Variants in INSC observed in about 807,000 individuals in gnomAD.
INSC encodes protein inscuteable homolog.
A neutral mutation model predicts 58.6 loss-of-function variants in INSC; 67 were observed. That is an observed-to-expected ratio of 1.14 (90% confidence interval 0.94 to 1.40). INSC has a LOEUF of 1.40. INSC is among the 40% of genes most tolerant of loss of function. INSC has a pLI of 0.00. For synonymous variants in INSC, 262 were observed against 276.1 expected, an observed-to-expected ratio of 0.95 and a Z score of 0.51; for missense variants, 714 against 692.0, an observed-to-expected ratio of 1.03 and a Z score of -0.36.
At chr11:15,148,901 A>G (rs1442342984) in intron 1 of INSC, among the ~76,000 whole-genome samples, 1 of 152,230 alleles carries the variant, frequency 6.6e-6, no homozygotes, top group Non-Finnish European at 1.5e-5. Flanking sequence ...GGAATAAGAA[A>G]ATATTTTAGA....
chr11:15,217,321 C>T (rs984818850), intron 7 of INSC, among the ~76,000 whole-genome samples: 21 of 152,152 alleles, frequency 1.4e-4, no homozygotes, highest in African/African-American at 4.3e-4. Flanking sequence ...CAATTACCTC[C>T]CACCAGGTCC....
chr11:15,189,925 C>T (rs1850102244), intron 5 of INSC, among the ~76,000 whole-genome samples: 1 of 152,214 alleles, frequency 6.6e-6, no homozygotes, highest in South Asian at 2.1e-4. Context: ...ATTAGCTGAA[C>T]TTTTCTAGAA....
At chr11:15,174,191 G>A (rs1849498096) in intron 2 of INSC, among the ~76,000 whole-genome samples, 2 of 152,006 alleles carry the variant, frequency 1.3e-5, no homozygotes, top group South Asian at 4.1e-4. Context: ...TGCACTTGCT[G>A]ATCTCTCTCC....
chr11:15,140,007 A>G (rs1590350474), intron 1 of INSC, among the ~76,000 whole-genome samples: 1 of 152,214 alleles, frequency 6.6e-6, no homozygotes, highest in African/African-American at 2.4e-5. Context: ...GGAATGGCCC[A>G]CCCTGAGACA....
At chr11:15,240,146 G>A (rs985619166) in intron 11 of INSC, among the ~76,000 whole-genome samples, 2 of 152,024 alleles carry the variant, frequency 1.3e-5, no homozygotes, top group African/African-American at 2.4e-5. Context: ...TTTAGCCACA[G>A]TATATTTTCT....
the INSC span, among the ~76,000 whole-genome samples, chr11:15,263,788 T>C: frequency 2.6e-5 from 4 of 152,130 alleles, no homozygotes; most frequent in Non-Finnish European, 4.4e-5. Context: ...ACTTTCAAGC[T>C]CATATGGTTG....
chr11:15,265,498 T>C, the INSC span, among the ~76,000 whole-genome samples: 1 of 151,956 alleles, frequency 6.6e-6, no homozygotes. Context: ...AATTCACCTT[T>C]TTTTTTTCTA....
chr11:15,112,907 T>C (rs1847601761), upstream of INSC, among the ~76,000 whole-genome samples: 1 of 152,108 alleles, frequency 6.6e-6, no homozygotes, highest in Non-Finnish European at 1.5e-5. Flanking sequence ...GGCAGAGATT[T>C]TTATGTTCCC....
intron 9 of INSC, 53 bp from the exon 10 acceptor site, chr11:15,235,549 C>A: frequency 7.2e-7 from 1 of 1,390,870 alleles, no homozygotes; most frequent in Non-Finnish European, 1.0e-6. Context: ...GTAGGGAGGA[C>A]TATTAGGATC....
intron 8 of INSC, among the ~76,000 whole-genome samples, chr11:15,222,153 C>T (rs528087324): frequency 1.6e-4 from 24 of 152,192 alleles, no homozygotes; most frequent in Non-Finnish European, 3.2e-4. Context: ...ATTGACTCCT[C>T]TAGGTTCCCC....
chr11:15,141,263 C>T (rs1312527315), intron 1 of INSC, among the ~76,000 whole-genome samples: 1 of 151,874 alleles, frequency 6.6e-6, no homozygotes, highest in Non-Finnish European at 1.5e-5. Flanking sequence ...TTCCTATTGC[C>T]TTCTAGGTGA....
At chr11:15,242,909 G>A (rs918822516) in intron 12 of INSC, among the ~76,000 whole-genome samples, 2 of 152,156 alleles carry the variant, frequency 1.3e-5, no homozygotes, top group African/African-American at 2.4e-5. Context: ...CTAGAGGCCT[G>A]CACTTTTCAA....
At chr11:15,152,528 T>G (rs1246700462) in intron 2 of INSC, among the ~76,000 whole-genome samples, 1 of 152,216 alleles carries the variant, frequency 6.6e-6, no homozygotes, top group African/African-American at 2.4e-5. Context: ...CCTTTAATCA[T>G]TATATGCATT....
intron 1 of INSC, among the ~76,000 whole-genome samples, chr11:15,118,051 C>A (rs888598684): frequency 2.0e-5 from 3 of 152,212 alleles, no homozygotes; most frequent in East Asian, 1.9e-4. Context: ...CCTCATGTGA[C>A]CCTGCCCAAC....
intron 9 of INSC, among the ~76,000 whole-genome samples, chr11:15,231,873 G>A (rs1851938505): frequency 6.6e-6 from 1 of 152,212 alleles, no homozygotes; most frequent in African/African-American, 2.4e-5. Flanking sequence ...GAGTCAGGGT[G>A]TGATCAGGGC....
At position 15,149,718 on chromosome 11, in the gene INSC, C is replaced by G. The variant is rs771769636; in HGVS notation, c.56+488C>G. Among the ~76,000 whole-genome samples, 75 of 152,114 alleles carry G rather than the reference C, an allele frequency of 4.9e-4. 2 individuals are homozygous for G. Among genetic ancestry groups the G allele is most frequent in the Admixed American group, 9.2e-4 (14 of 15,270 alleles). ...AGCCCGGATAACGAGGGGAGAGGGG[C>G]TGGAGAACATCCTGTCTGAAGAAGG... On this transcript the variant is annotated intron_variant, in intron 2 of 12. Transcript: ENST00000379556.
chr11:15,232,652 G>T lies in INSC; in HGVS notation c.1171-2950G>T, dbSNP rs143404078. Among the ~76,000 whole-genome samples, 304 of 152,218 alleles carry T rather than the reference G, an allele frequency of 2.0e-3. 2 individuals are homozygous for T. The highest frequency in any genetic ancestry group is 6.8e-3 in the African/African-American group (282 of 41,538). On this transcript the variant is annotated intron_variant, in intron 9 of 12. Transcript: ENST00000379556. ...TAAGTTACTTTATATAGCGACACGG[G>T]TTTTCTAGATGCGATTGAGTTAAGA...
At chr11:15,162,498 T>C (rs1849054405) in intron 2 of INSC, among the ~76,000 whole-genome samples, 1 of 152,238 alleles carries the variant, frequency 6.6e-6, no homozygotes, top group African/African-American at 2.4e-5. Flanking sequence ...CACTTGACGA[T>C]TGTGGTACCC....
intron 10 of INSC, among the ~76,000 whole-genome samples, chr11:15,237,636 G>A (rs911515840): frequency 6.6e-6 from 1 of 152,172 alleles, no homozygotes; most frequent in African/African-American, 2.4e-5. Flanking sequence ...TCTAAGGTCT[G>A]GACAGGGCAA....
Sources: allele counts gnomAD v4.1 joint callset (sites outside exome capture counted in the v4.1 genomes callset), GRCh38; gene constraint gnomAD v4.1.1; transcripts MANE v1.5; gene names NCBI Gene and HGNC (gene_info 2026-07-23, HGNC 2026-07-21).